The following HAL variants were observed in gnomAD, a reference collection of about 807,000 sequenced individuals.
HAL encodes histidine ammonia-lyase, also known as histidase.
Under a neutral mutation model 81.1 loss-of-function variants are expected in HAL, and 85 were observed. The observed-to-expected ratio is 1.05, with a 90% CI of 0.88 to 1.25. HAL has a LOEUF of 1.25. Ranked by LOEUF, HAL falls within the 50% of genes most tolerant of loss-of-function variation. HAL has a pLI of 0.00. For missense variants in HAL, 798 were observed against 836.6 expected (o/e 0.95, Z 0.57); for synonymous variants, 301 against 309.2 (o/e 0.97, Z 0.28).
intron 14 of HAL, among the ~76,000 whole-genome samples, chr12:95,984,300 T>TGGTAG (rs1949849992): frequency 1.3e-5 from 2 of 152,174 alleles, no homozygotes; most frequent in Admixed American, 1.3e-4. Context: ...CCCAGGTTAG[T>TGGTAG]GGTAGGACTT....
Position 95,988,247 on chromosome 12 carries a change from A to C in HAL, c.856-7T>G, listed in dbSNP as rs1371724863. On this transcript the variant is annotated splice_polypyrimidine_tract_variant and splice_region_variant and intron_variant, in intron 10 of 20. Transcript: ENST00000261208. ...ATCCATGGGCTTCTAGCACCTATAG[A>C]ATGATTAAAAATATGAAAATGGGTA... is the stretch of plus-strand genomic sequence containing the variant. 1.4e-6 allele frequency: 2 copies of C among 1,417,388 alleles called. No individual in the cohort carries two copies. The highest frequency in any genetic ancestry group is 1.4e-5 in the African/African-American group (1 of 71,100). The allele number at this position is 1,417,388 out of a possible 1,614,324, so 87.8% of individuals were successfully genotyped here. A position where few individuals can be genotyped will look rare whatever the true frequency, so the allele number is the denominator to read the frequency against.
At position 95,980,617 on chromosome 12, in the gene HAL, C is replaced by T; in HGVS notation, c.1458G>A (p.Leu486=). Residue 486 remains leucine (L), a synonymous_variant, in exon 17 of 21, where the codon CTG becomes CTA. Transcript: ENST00000261208. The part of the protein sequence containing the change: ...NPSLSELPAF[L]VAEGGLNSGF... ...CAGAGTTCAGACCACCTTCAGCCACCAGGAAGGCAGGCAGCTCACTGAGGG... is the reference window on the plus strand; with the variant it reads ...CAGAGTTCAGACCACCTTCAGCCACTAGGAAGGCAGGCAGCTCACTGAGGG... 3 of 1,614,134 alleles carry T rather than the reference C, an allele frequency of 1.9e-6. No homozygotes were observed. The highest frequency in any genetic ancestry group is 2.5e-6 in the Non-Finnish European group (3 of 1,180,010).
intron 12 of HAL, 39 bp downstream of exon 12, chr12:95,987,028 G>A: frequency 6.3e-7 from 1 of 1,583,048 alleles, no homozygotes. Context: ...ACCACCTCTG[G>A]TTGAATGAAT....
At chr12:95,990,297 G>T (rs1489126289) in intron 10 of HAL, 96 bp downstream of exon 10, 5 of 974,478 alleles carry the variant, frequency 5.1e-6, no homozygotes. Flanking sequence ...CTCCCTCACT[G>T]GGCTGTTGTA....
intron 15 of HAL, among the ~76,000 whole-genome samples, chr12:95,981,390 G>A (rs573108773): frequency 2.6e-5 from 4 of 152,288 alleles, no homozygotes; most frequent in Non-Finnish European, 5.9e-5. Context: ...ACAGCAGATG[G>A]TGGCCAATAT....
chr12:95,985,085 C>T (rs569615124), intron 14 of HAL, among the ~76,000 whole-genome samples: 1 of 152,140 alleles, frequency 6.6e-6, no homozygotes, highest in African/African-American at 2.4e-5. Flanking sequence ...ATCACAAATT[C>T]ATTTAAAATA....
At chr12:95,996,024 C>G in intron 1 of HAL, 33 bp from the exon 2 acceptor site, 1 of 985,254 alleles carries the variant, frequency 1.0e-6, no homozygotes, top group Non-Finnish European at 1.6e-6. Flanking sequence ...TCAAACCACT[C>G]CCCCTCCTTC....
rs762499068 is a variant in HAL at position 95,988,267 on chromosome 12, T to A, written c.856-27A>T. On this transcript the variant is annotated intron_variant, in intron 10 of 20. Coordinates refer to ENST00000261208, the MANE Select transcript of HAL (RefSeq NM_002108.4). ...TATAGAATGATTAAAAATATGAAAATGGGTATCAAATGAAATACTAGCCTA... is the reference window on the plus strand; with the variant it reads ...TATAGAATGATTAAAAATATGAAAAAGGGTATCAAATGAAATACTAGCCTA... 2.4e-6 allele frequency: 3 copies of A among 1,227,100 alleles called. No homozygotes were observed. In the South Asian group the frequency reaches 3.6e-5, roughly 15 times the overall value. 76.0% of individuals were successfully genotyped at this position (1,227,100 alleles called of 1,614,324 possible).
intron 14 of HAL, 105 bp downstream of exon 14, chr12:95,985,803 T>C (rs1394399344): frequency 4.0e-6 from 3 of 755,080 alleles, no homozygotes; most frequent in Non-Finnish European, 6.8e-6. Flanking sequence ...GACCATTACA[T>C]GTTTTTCTAA....
At chr12:95,995,640 C>G (rs765964282) in intron 2 of HAL, 24 bp downstream of exon 2, 12 of 1,611,936 alleles carry the variant, frequency 7.4e-6, no homozygotes. Context: ...CACCCGTTCG[C>G]GGCCCTCTCC....
chr12:95,995,004 G>A lies in HAL; in HGVS notation c.248-11C>T. On this transcript the variant is annotated splice_polypyrimidine_tract_variant and intron_variant, in intron 2 of 20. Transcript: ENST00000261208. The stretch of plus-strand genomic sequence containing the variant: ...CATCACCCTCTATAACTAAAACAAT[G>A]CACGGGAGACTCGTTACAGATCACA... 1 of 1,595,888 alleles carries A rather than the reference G, an allele frequency of 6.3e-7. No homozygotes were observed. The highest frequency in any genetic ancestry group is 8.6e-7 in the Non-Finnish European group (1 of 1,163,614).
chr12:95,981,295 G>C (rs1178280817), intron 15 of HAL, among the ~76,000 whole-genome samples: 3 of 152,186 alleles, frequency 2.0e-5, no homozygotes, highest in African/African-American at 4.8e-5. Flanking sequence ...AAACTCTGCT[G>C]ATGAGCAACT....
chr12:95,991,918 C>T (rs1418068924), intron 9 of HAL, among the ~76,000 whole-genome samples: 2 of 152,344 alleles, frequency 1.3e-5, no homozygotes, highest in South Asian at 2.1e-4. Context: ...ATCCTATTCA[C>T]GTGCCACTTG....
At position 95,993,801 on chromosome 12, in the gene HAL, G is replaced by T; in HGVS notation, c.522C>A (p.Ala174=). 6.3e-7 allele frequency: 1 copy of T among 1,579,132 alleles called. No individual in the cohort carries two copies. Among genetic ancestry groups the T allele is most frequent in the South Asian group, 1.1e-5 (1 of 90,304 alleles). Residue 174 remains alanine, a synonymous_variant, in exon 7 of 21, where the codon GCC becomes GCA. Coordinates refer to ENST00000261208, the MANE Select transcript of HAL (RefSeq NM_002108.4). ...GCTTATTGATAGGAATTACAGTTCT[G>T]GCAAATTTCCCAAAACCTGTAGTAA... The part of the protein sequence containing the change: ...YGITTGFGKF[A]RTVIPINKLQ...
At chr12:95,984,416 A>G (rs1949851659) in intron 14 of HAL, among the ~76,000 whole-genome samples, 1 of 152,236 alleles carries the variant, frequency 6.6e-6, no homozygotes, top group Non-Finnish European at 1.5e-5. Flanking sequence ...ACAAATTCTT[A>G]GATGTGACTC....
Position 95,980,849 on chromosome 12 carries a change from A to T in HAL, c.1302T>A (p.Asn434Lys). Residue 434 changes from asparagine (N) to lysine (K), a missense_variant, in exon 16 of 21, where the codon AAT becomes AAA. Coordinates refer to ENST00000261208, the MANE Select transcript of HAL (RefSeq NM_002108.4). ...SATDNPMVFA[N>K]RGETVSGGNF... ...TTCCTCCAGAAACTGTCTCTCCCCT[A>T]TTGGCAAAGACCATCTTTCAAAAGA... is the stretch of plus-strand genomic sequence containing the variant. The T allele has an allele frequency of 6.4e-7, 1 of 1,572,726 alleles. No individual in the cohort carries two copies.
At position 95,977,072 on chromosome 12, in the gene HAL, CAGAA is replaced by C. The variant is rs753385378; in HGVS notation, c.1655-370_1655-367del. 2.6e-4 allele frequency among the ~76,000 whole-genome samples: 40 copies of C among 152,138 alleles called. 1 individual carries two copies. The highest frequency in any genetic ancestry group is 4.1e-4 in the Non-Finnish European group (28 of 68,028). On this transcript the variant is annotated intron_variant, in intron 18 of 20. Coordinates refer to ENST00000261208, the MANE Select transcript of HAL (RefSeq NM_002108.4). ...GGGTCATGTGGGTAGGGAAGGAAGT[CAGAA>C]AGAAGAGCTGATCCTCATCTTGAGC...
chr12:95,981,579 C>T (rs1406828569), intron 15 of HAL, among the ~76,000 whole-genome samples: 1 of 152,232 alleles, frequency 6.6e-6, no homozygotes, highest in Non-Finnish European at 1.5e-5. Context: ...TGTGCCTCAG[C>T]CTCCTGAGTA....
chr12:95,996,028 C>T, intron 1 of HAL, 37 bp from the exon 2 acceptor site: 1 of 955,988 alleles, frequency 1.0e-6, no homozygotes, highest in Non-Finnish European at 1.6e-6. Context: ...ACCACTCCCC[C>T]TCCTTCACCT....
Sources: gnomAD v4.1 joint callset for allele counts (sites outside exome capture counted in the v4.1 genomes callset) on GRCh38, gnomAD v4.1.1 for gene constraint, MANE v1.5 for transcripts, NCBI Gene and HGNC (gene_info 2026-07-23, HGNC 2026-07-21) for gene names.